TOMM20L: variants seen among roughly 807,000 people sequenced by gnomAD.
TOMM20L encodes the protein translocase of outer mitochondrial membrane 20 like.
TOMM20L carries 19 observed loss-of-function variants against 20.4 expected under a neutral mutation model. The ratio of observed to expected loss-of-function variants is 0.93; its 90% CI spans 0.65 to 1.36. The LOEUF is 1.36. TOMM20L is among the 40% of genes most tolerant of loss of function. The pLI, the probability that TOMM20L is intolerant of heterozygous loss-of-function variation, is 0.00. For synonymous variants in TOMM20L, 75 were observed against 79.6 expected (o/e 0.94, Z 0.30); for missense variants, 218 against 203.7 (o/e 1.07, Z -0.43).
In TOMM20L at chr14:58,408,514, T is replaced by C. The variant is rs1488000567; in HGVS notation, c.406-15T>C. The C allele has an allele frequency of 6.2e-7, 1 of 1,612,870 alleles. No homozygotes were observed. The highest frequency in any genetic ancestry group is 1.1e-5 in the South Asian group (1 of 90,932). On this transcript the variant is annotated splice_polypyrimidine_tract_variant and intron_variant, in intron 4 of 4. Transcript: ENST00000360945. ...TTGAAATGATTAGCAAGTAACTATT[T>C]TATGTATTCACCAGCAATTTGAGGC... is the stretch of plus-strand genomic sequence containing the variant.
At chr14:58,410,885 GTCCAAA>G, downstream of TOMM20L, 1 of 1,613,282 alleles carries the variant, frequency 6.2e-7, no homozygotes, top group Non-Finnish European at 8.5e-7. Flanking sequence ...CTTTAACACA[GTCCAAA>G]AAGCAGGTCT....
intron 4 of TOMM20L, 79 bp downstream of exon 4, chr14:58,407,547 A>C: frequency 6.9e-7 from 1 of 1,449,058 alleles, no homozygotes; most frequent in Non-Finnish European, 9.2e-7. Context: ...GAAATATCAA[A>C]GTATGTGTGT....
rs1555369271 is a variant in TOMM20L at position 58,407,385 on chromosome 14, C to T, written c.322C>T (p.Arg108Trp). The T allele has an allele frequency of 9.3e-6, 15 of 1,613,796 alleles. No homozygotes were observed. The highest frequency in any genetic ancestry group is 4.4e-5 in the South Asian group (4 of 91,048). Residue 108 changes from arginine (R) to tryptophan (W), a missense_variant, in exon 4 of 5, where the codon CGG becomes TGG. Transcript: ENST00000360945. ...GNALLVCEQP[R>W]ELLKVFKHTL... The stretch of plus-strand genomic sequence containing the variant: ...TGCCCTTTTAGTGTGCGAGCAACCA[C>T]GGGAACTTCTGAAAGTTTTCAAACA...
chr14:58,413,035 G>A (rs975158847), downstream of TOMM20L, among the ~76,000 whole-genome samples: 2 of 152,052 alleles, frequency 1.3e-5, no homozygotes, highest in African/African-American at 4.8e-5. Context: ...ATTATACTCA[G>A]TCGAATACAT....
the TOMM20L span, among the ~76,000 whole-genome samples, chr14:58,413,999 T>A: frequency 1.3e-5 from 1 of 76,264 alleles, no homozygotes; most frequent in Admixed American, 2.5e-4. Context: ...AGAGTGAGAT[T>A]CCGTCTCAGA....
intron 2 of TOMM20L, among the ~76,000 whole-genome samples, chr14:58,396,672 G>T (rs139553170): frequency 6.6e-6 from 1 of 152,378 alleles, no homozygotes; most frequent in Non-Finnish European, 1.5e-5. Context: ...ACCCAGGCTG[G>T]CCACGGTCAC....
rs1566740650 is a variant in TOMM20L, at chr14:58,396,290, G to T, written c.137-8G>T. The T allele has an allele frequency of 1.9e-6, 3 of 1,613,036 alleles. No homozygotes were observed. Among genetic ancestry groups the T allele is most frequent in the Non-Finnish European group, 2.5e-6 (3 of 1,179,798 alleles). On this transcript the variant is annotated splice_polypyrimidine_tract_variant and splice_region_variant and intron_variant, in intron 1 of 4. Transcript: ENST00000360945. ...TCCCAGCCAGCATGTGCCGTGTTGT[G>T]TTCGCAGAAAGAAGAGCAGAGCCTC... is the stretch of plus-strand genomic sequence containing the variant.
chr14:58,409,182 G>C, downstream of TOMM20L: 1 of 1,608,380 alleles, frequency 6.2e-7, no homozygotes, highest in Non-Finnish European at 8.5e-7. Flanking sequence ...GGAATGAAAA[G>C]GGAAGATCCA....
At chr14:58,408,778 T>A, downstream of TOMM20L, 1 of 689,116 alleles carries the variant, frequency 1.5e-6, no homozygotes. Context: ...TCTAATCAAG[T>A]GACCAAGCTG....
intron 3 of TOMM20L, among the ~76,000 whole-genome samples, chr14:58,404,580 T>A (rs2036035135): frequency 6.6e-6 from 1 of 151,918 alleles, no homozygotes; most frequent in Non-Finnish European, 1.5e-5. Context: ...GAAGTCAAAA[T>A]CCTAGACAAC....
the TOMM20L span, among the ~76,000 whole-genome samples, chr14:58,416,750 A>G: frequency 6.6e-6 from 1 of 152,228 alleles, no homozygotes; most frequent in Admixed American, 6.5e-5. Flanking sequence ...TGCTGACATC[A>G]TTACATGGTG....
chr14:58,414,036 A>AAAC, the TOMM20L span, among the ~76,000 whole-genome samples: 203 of 144,302 alleles, frequency 1.4e-3, 6 homozygotes, highest in African/African-American at 4.8e-3. Flanking sequence ...AAAAAAAAAA[A>AAAC]GGTTTGTATA....
chr14:58,408,153 A>T (rs2036092833), intron 4 of TOMM20L, among the ~76,000 whole-genome samples: 1 of 152,226 alleles, frequency 6.6e-6, no homozygotes. Flanking sequence ...GCGGTGGCTC[A>T]CGCCTGTAAT....
chr14:58,407,982 A>T (rs1327470555), intron 4 of TOMM20L, among the ~76,000 whole-genome samples: 1 of 151,772 alleles, frequency 6.6e-6, no homozygotes, highest in Non-Finnish European at 1.5e-5. Context: ...TATCATTGGC[A>T]AGCCTTGGAA....
At position 58,396,501 on chromosome 14, in the gene TOMM20L, CAG is replaced by C. The variant is rs1305456841; in HGVS notation, c.180+161_180+162del. 7.2e-5 allele frequency among the ~76,000 whole-genome samples: 11 copies of C among 152,342 alleles called. 1 individual carries two copies. The South Asian group carries it at 2.3e-3, about 32-fold the overall frequency. The stretch of plus-strand genomic sequence containing the variant: ...CGCGCGCCACGCACCGCCTCAGGCC[CAG>C]TCACTCTCCTCTCACAAAAGGGAGG... On this transcript the variant is annotated intron_variant, in intron 2 of 4. Transcript: ENST00000360945.
At chr14:58,414,258 T>C in the TOMM20L span, among the ~76,000 whole-genome samples, 9 of 152,238 alleles carry the variant, frequency 5.9e-5, no homozygotes, top group African/African-American at 1.9e-4. Context: ...TGAAGCTTTG[T>C]TGAAACTAAT....
chr14:58,398,984 G>A (rs964539445), intron 2 of TOMM20L: 2 of 151,932 alleles, frequency 1.3e-5, no homozygotes, highest in Non-Finnish European at 2.9e-5. Context: ...CCCTTTTGGG[G>A]TTAGGTGATT....
chr14:58,411,829 AC>A, downstream of TOMM20L: 1 of 1,365,398 alleles, frequency 7.3e-7, no homozygotes, highest in East Asian at 2.3e-5. Context: ...GAGCCACTGC[AC>A]CCAGCCTGAC....
At chr14:58,411,448 A>C (rs2036213162), downstream of TOMM20L, among the ~76,000 whole-genome samples, 2 of 149,270 alleles carry the variant, frequency 1.3e-5, no homozygotes, top group African/African-American at 2.4e-5. Flanking sequence ...ACTGTGTCCA[A>C]AAAAAAAAAG....
Sources: allele counts gnomAD v4.1 joint callset (sites outside exome capture counted in the v4.1 genomes callset), GRCh38; gene constraint gnomAD v4.1.1; transcripts MANE v1.5; gene names NCBI Gene and HGNC (gene_info 2026-07-23, HGNC 2026-07-21).